The following NSD1 variants were observed in gnomAD, a reference collection of about 807,000 sequenced individuals.
NSD1 encodes the protein nuclear receptor binding SET domain protein 1, also known as histone-lysine N-methyltransferase, H3 lysine-36 specific.
In NSD1, 26 loss-of-function variants were observed where a neutral mutation model predicts 242.7. That is an observed-to-expected ratio of 0.11 (90% confidence interval 0.08 to 0.15). The LOEUF (loss-of-function observed/expected upper bound fraction) is 0.15. Among genes scored for constraint, NSD1 ranks in the 10% least tolerant of loss-of-function variants. NSD1 has a pLI of 1.00. For synonymous variants in NSD1, 1,106 were observed against 1,178.1 expected (o/e 0.94, Z 1.25); for missense variants, 2,495 against 3,272.8 (o/e 0.76, Z 5.80).
intron 2 of NSD1, among the ~76,000 whole-genome samples, chr5:177,189,175 C>T (rs1043615607): frequency 1.2e-3 from 183 of 152,270 alleles, no homozygotes; most frequent in African/African-American, 4.3e-3. Flanking sequence ...ACTAGTTACT[C>T]ATTTTGATGG....
chr5:177,263,452 C>T (rs1168346192), intron 14 of NSD1, among the ~76,000 whole-genome samples: 1 of 152,204 alleles, frequency 6.6e-6, no homozygotes, highest in Non-Finnish European at 1.5e-5. Context: ...CAAGGCACTA[C>T]CTCCAAACCA....
chr5:177,172,023 C>T (rs927217162), intron 2 of NSD1, among the ~76,000 whole-genome samples: 6 of 152,274 alleles, frequency 3.9e-5, no homozygotes, highest in Middle Eastern at 3.4e-3. Flanking sequence ...AGAGGAAGTC[C>T]GCCCCTTCCT....
At chr5:177,293,764 C>T (rs1455332365) in intron 22 of NSD1, 68 bp from the exon 23 acceptor site, 5 of 1,557,486 alleles carry the variant, frequency 3.2e-6, no homozygotes, top group East Asian at 4.5e-5. Flanking sequence ...CGGACTGTAG[C>T]ATAGCCTTGG....
At chr5:177,253,138 C>G (rs991948961) in intron 12 of NSD1, among the ~76,000 whole-genome samples, 2 of 152,054 alleles carry the variant, frequency 1.3e-5, no homozygotes, top group Admixed American at 1.3e-4. Context: ...GAAAATGCTT[C>G]AATTTTTGCC....
At chr5:177,275,489 A>G (rs1176062213) in intron 17 of NSD1, among the ~76,000 whole-genome samples, 9 of 117,264 alleles carry the variant, frequency 7.7e-5, no homozygotes, top group Non-Finnish European at 1.3e-4. Context: ...GATGGAGTGC[A>G]GTGGCACGAT....
chr5:177,266,210 CTGA>C (rs1279459540), intron 14 of NSD1: 14 of 930,348 alleles, frequency 1.5e-5, no homozygotes, highest in Non-Finnish European at 2.3e-5. Context: ...CATCCACTTG[CTGA>C]TGATGATGTT....
At chr5:177,192,994 T>G (rs1311951062) in intron 3 of NSD1, among the ~76,000 whole-genome samples, 1 of 152,254 alleles carries the variant, frequency 6.6e-6, no homozygotes, top group East Asian at 1.9e-4. Flanking sequence ...TTGTAAATGT[T>G]TATTAATAAT....
intron 2 of NSD1, among the ~76,000 whole-genome samples, chr5:177,148,518 G>A (rs1379116958): frequency 1.3e-5 from 2 of 152,112 alleles, no homozygotes; most frequent in African/African-American, 4.8e-5. Flanking sequence ...TCTGCCTCCC[G>A]GATTCAAGCG....
At chr5:177,144,024 G>T (rs562770385) in intron 2 of NSD1, among the ~76,000 whole-genome samples, 9 of 151,908 alleles carry the variant, frequency 5.9e-5, no homozygotes, top group Admixed American at 3.9e-4. Flanking sequence ...TCAGGTGATC[G>T]ACCCACCTCG....
chr5:177,147,499 G>T (rs1757351692), intron 2 of NSD1, among the ~76,000 whole-genome samples: 1 of 152,132 alleles, frequency 6.6e-6, no homozygotes, highest in Admixed American at 6.6e-5. Flanking sequence ...GAGTCATACA[G>T]TATGCAGCCT....
chr5:177,267,195 C>T (rs1460261018), intron 14 of NSD1, among the ~76,000 whole-genome samples: 3 of 152,152 alleles, frequency 2.0e-5, no homozygotes, highest in African/African-American at 7.2e-5. Context: ...AAGGAACTAA[C>T]CATATGGAGA....
At chr5:177,165,733 G>A (rs1759133753) in intron 2 of NSD1, among the ~76,000 whole-genome samples, 1 of 151,954 alleles carries the variant, frequency 6.6e-6, no homozygotes, top group Admixed American at 6.6e-5. Context: ...CAGGTAACCA[G>A]GACTACAGGT....
At position 177,267,513 on chromosome 5, in the gene NSD1, A is replaced by C. The variant is rs74436451; in HGVS notation, c.5147-49A>C. 9.8e-4 allele frequency: 1,512 copies of C among 1,547,236 alleles called. 15 individuals are homozygous for C. In the African/African-American group the frequency reaches 0.015, roughly 16 times the overall value. On this transcript the variant is annotated intron_variant, in intron 14 of 22. Coordinates refer to ENST00000439151, the MANE Select transcript of NSD1 (RefSeq NM_022455.5). ...TATATGTGTATGGATGTACACATACATGACTTGCAGTCTTGTGATCTGAAT... is the reference window on the plus strand; with the variant it reads ...TATATGTGTATGGATGTACACATACCTGACTTGCAGTCTTGTGATCTGAAT...
chr5:177,163,109 A>G (rs924273522), intron 2 of NSD1, among the ~76,000 whole-genome samples: 4 of 151,602 alleles, frequency 2.6e-5, no homozygotes, highest in African/African-American at 7.3e-5. Flanking sequence ...TTGACAAATA[A>G]TGCCAAAAGT....
intron 2 of NSD1, among the ~76,000 whole-genome samples, chr5:177,171,558 T>G (rs1451505194): frequency 6.6e-6 from 1 of 152,232 alleles, no homozygotes; most frequent in Non-Finnish European, 1.5e-5. Context: ...TTTCACATTT[T>G]GTTATCCATT....
At chr5:177,164,423 C>G (rs1472823498) in intron 2 of NSD1, among the ~76,000 whole-genome samples, 1 of 152,032 alleles carries the variant, frequency 6.6e-6, no homozygotes, top group Non-Finnish European at 1.5e-5. Flanking sequence ...TCCCAAAGTG[C>G]TGGGATCACA....
chr5:177,164,954 A>G (rs1357338109), intron 2 of NSD1, among the ~76,000 whole-genome samples: 1 of 151,716 alleles, frequency 6.6e-6, no homozygotes, highest in Non-Finnish European at 1.5e-5. Context: ...ATTAAAAAAA[A>G]AAAAAAAGAG....
Position 177,133,847 on chromosome 5 carries a change from G to A in NSD1, c.-123G>A, listed in dbSNP as rs1468223913. 1 of 150,720 alleles carries A rather than the reference G, an allele frequency of 6.6e-6. No individual in the cohort carries two copies. 9.3% of individuals were successfully genotyped at this position (150,720 alleles called of 1,614,324 possible). A position where few individuals can be genotyped will look rare whatever the true frequency, so the allele number is the denominator to read the frequency against. On this transcript the variant is annotated 5_prime_UTR_variant, in exon 1 of 23. Coordinates refer to ENST00000439151, the MANE Select transcript of NSD1 (RefSeq NM_022455.5). The surrounding 1 kb of genome is among the most constrained non-coding windows in gnomAD (Gnocchi z 6.2). ...CCTGAAGAGAGACGCGGGGGGAGGG[G>A]GGTGCGGCGAGCGGCCCCGCTCTCT... is the stretch of plus-strand genomic sequence containing the variant.
At chr5:177,187,190 C>T (rs1023713314) in intron 2 of NSD1, among the ~76,000 whole-genome samples, 4 of 150,380 alleles carry the variant, frequency 2.7e-5, no homozygotes, top group Admixed American at 1.3e-4. Flanking sequence ...CTGCAACCTC[C>T]GCCTCCCAGG....
Sources: gnomAD v4.1 joint callset for allele counts (sites outside exome capture counted in the v4.1 genomes callset) on GRCh38, gnomAD v4.1.1 for gene constraint, Gnocchi (gnomAD v3.1) non-coding constraint, MANE v1.5 for transcripts, NCBI Gene and HGNC (gene_info 2026-07-23, HGNC 2026-07-21) for gene names.